The following OSBPL10 variants were observed in gnomAD, a reference collection of about 807,000 sequenced individuals.
OSBPL10 encodes the protein oxysterol-binding protein-related protein 10.
In OSBPL10, 49 loss-of-function variants were observed where a neutral mutation model predicts 81.7. That is an observed-to-expected ratio of 0.60 (90% confidence interval 0.48 to 0.76). OSBPL10 has a LOEUF of 0.76. Among genes scored for constraint, OSBPL10 ranks in the 30% least tolerant of loss-of-function variants. The pLI, the probability that OSBPL10 is intolerant of heterozygous loss-of-function variation, is 0.00. For missense variants in OSBPL10, 923 were observed against 987.8 expected, an observed-to-expected ratio of 0.93 and a Z score of 0.88; for synonymous variants, 419 against 383.6, an observed-to-expected ratio of 1.09 and a Z score of -1.08.
intron 3 of OSBPL10, among the ~76,000 whole-genome samples, chr3:31,854,663 T>C (rs535805378): frequency 6.6e-6 from 1 of 152,334 alleles, no homozygotes; most frequent in Non-Finnish European, 1.5e-5. Flanking sequence ...CCACCACGTA[T>C]CCTTTACTCG....
chr3:31,688,111 C>T (rs1351491859), intron 7 of OSBPL10, among the ~76,000 whole-genome samples: 1 of 151,840 alleles, frequency 6.6e-6, no homozygotes, highest in African/African-American at 2.4e-5. Flanking sequence ...GGCGTGGCTC[C>T]TGAACTGGAG....
rs371407376 is a variant in OSBPL10 at position 32,059,880 on chromosome 3, C to G, written n.186-13277G>C. On this transcript the variant is annotated intron_variant and non_coding_transcript_variant, in intron 1 of 3. Transcript: ENST00000479173. ...TGAGCCAAGACTGCACCACTGCACT[C>G]CAGCCTGGGAGACAGAGCCAGACCC... 1.1e-4 allele frequency among the ~76,000 whole-genome samples: 17 copies of G among 152,094 alleles called. No homozygotes were observed. In the East Asian group the frequency reaches 2.1e-3, roughly 19 times the overall value.
At chr3:31,748,730 C>T (rs941053153) in intron 4 of OSBPL10, among the ~76,000 whole-genome samples, 1 of 151,328 alleles carries the variant, frequency 6.6e-6, no homozygotes, top group African/African-American at 2.4e-5. Flanking sequence ...AAATTCTAGA[C>T]CCAGCCCTAC....
intron 11 of OSBPL10, 191 bp from the exon 12 acceptor site, chr3:31,662,307 C>T (rs754629161): frequency 2.3e-6 from 3 of 1,322,188 alleles, no homozygotes; most frequent in African/African-American, 1.5e-5. Context: ...GACCTTCCTA[C>T]CCTGGCATGG....
upstream of OSBPL10, among the ~76,000 whole-genome samples, chr3:31,985,760 C>A (rs1419158027): frequency 6.6e-6 from 1 of 152,184 alleles, no homozygotes; most frequent in Non-Finnish European, 1.5e-5. Context: ...TGTTGTACGT[C>A]CCAAATAATA....
chr3:31,916,642 T>G (rs899202558), intron 1 of OSBPL10, among the ~76,000 whole-genome samples: 2 of 152,214 alleles, frequency 1.3e-5, no homozygotes, highest in Non-Finnish European at 2.9e-5. Context: ...AATGTAAATG[T>G]TTGTTCCACT....
At chr3:31,662,682 C>G in intron 11 of OSBPL10, 1 of 985,494 alleles carries the variant, frequency 1.0e-6, no homozygotes, top group Non-Finnish European at 1.2e-6. Flanking sequence ...GTTCAGATGA[C>G]TCTTATTCCT....
In OSBPL10 at chr3:31,662,053, G is replaced by C. The variant is rs1559403053; in HGVS notation, c.*19C>G. The C allele has an allele frequency of 6.2e-7, 1 of 1,612,994 alleles. No homozygotes were observed. The highest frequency in any genetic ancestry group is 8.5e-7 in the Non-Finnish European group (1 of 1,179,540). Reference sequence around the variant, plus strand: ...TACAAAAACAGGGCTATACTGGAAAGCTCTGCACCTCCACCCCATCAGTGT... The same window carrying C: ...TACAAAAACAGGGCTATACTGGAAACCTCTGCACCTCCACCCCATCAGTGT... On this transcript the variant is annotated 3_prime_UTR_variant, in exon 12 of 12. Transcript: ENST00000396556.
At chr3:31,802,069 C>T (rs1477043987) in intron 4 of OSBPL10, among the ~76,000 whole-genome samples, 12 of 151,342 alleles carry the variant, frequency 7.9e-5, no homozygotes, top group Admixed American at 2.0e-4. Context: ...GTGATCCGTC[C>T]GCCTCGGCCT....
At chr3:31,973,048 G>T (rs1698606628) in intron 1 of OSBPL10, among the ~76,000 whole-genome samples, 1 of 152,172 alleles carries the variant, frequency 6.6e-6, no homozygotes, top group Admixed American at 6.5e-5. Context: ...ATTCTGGATG[G>T]TTTTCTTTTT....
At chr3:31,934,865 T>C (rs961814723) in intron 1 of OSBPL10, among the ~76,000 whole-genome samples, 1 of 152,174 alleles carries the variant, frequency 6.6e-6, no homozygotes, top group African/African-American at 2.4e-5. Context: ...CTGCATGTCA[T>C]AGAAACTTAC....
chr3:32,028,927 G>GACACACACACACACACACACAC (rs58442955), intron 2 of OSBPL10, among the ~76,000 whole-genome samples: 1 of 105,634 alleles, frequency 9.5e-6, no homozygotes, highest in African/African-American at 3.7e-5. Context: ...AGCTAGTCAG[G>GACACACACACACACACACACAC]ACACACACAC....
At chr3:31,736,124 G>A (rs1697165563) in intron 5 of OSBPL10, among the ~76,000 whole-genome samples, 2 of 152,176 alleles carry the variant, frequency 1.3e-5, no homozygotes, top group Non-Finnish European at 2.9e-5. Flanking sequence ...GTGGATGGGA[G>A]GGAATGGGGA....
At chr3:32,055,191 CTTTTTTTTTTTTTTTTTT>C (rs139735770) in intron 1 of OSBPL10, among the ~76,000 whole-genome samples, 24 of 58,302 alleles carry the variant, frequency 4.1e-4, no homozygotes, top group Middle Eastern at 0.017. Context: ...CTATTTATAG[CTTTTTTTTTTTTTTTTTT>C]TTTTTTTTTT....
At chr3:31,663,265 A>G (rs1700110233) in intron 11 of OSBPL10, 8 of 984,690 alleles carry the variant, frequency 8.1e-6, no homozygotes, top group Non-Finnish European at 9.6e-6. Flanking sequence ...TCTCATAAAA[A>G]TTTAGATTTC....
chr3:31,821,124 G>A (rs967110950), intron 4 of OSBPL10, among the ~76,000 whole-genome samples: 1 of 152,108 alleles, frequency 6.6e-6, no homozygotes, highest in South Asian at 2.1e-4. Flanking sequence ...CAGCCATGCC[G>A]TGCTCCCAGC....
intron 4 of OSBPL10, among the ~76,000 whole-genome samples, chr3:31,789,667 T>C (rs897359331): frequency 6.6e-6 from 1 of 152,176 alleles, no homozygotes; most frequent in Non-Finnish European, 1.5e-5. Context: ...CAGATCAGGA[T>C]GGAGCTGCAA....
chr3:31,754,881 A>G (rs552533133), intron 4 of OSBPL10, among the ~76,000 whole-genome samples: 38 of 151,888 alleles, frequency 2.5e-4, no homozygotes, highest in African/African-American at 8.5e-4. Flanking sequence ...ATGATTTTCA[A>G]CTCTACCCTA....
rs751916650 is a variant in OSBPL10 at position 31,664,188 on chromosome 3, A to G, written c.2141T>C (p.Ile714Thr). The G allele has an allele frequency of 2.5e-6, 4 of 1,612,882 alleles. No individual in the cohort carries two copies. Among genetic ancestry groups the G allele is most frequent in the African/African-American group, 1.3e-5 (1 of 74,752 alleles). ...EVTRYLRLGD[I>T]DAATEQKRHL... The stretch of plus-strand genomic sequence containing the variant: ...CCGCTTCTGCTCGGTGGCTGCGTCA[A>G]TGTCCCCCAGCCGCAGGTATCGGGT... Residue 714 changes from isoleucine (I) to threonine (T), a missense_variant, in exon 11 of 12, where the codon ATT (isoleucine) becomes ACT (threonine). Transcript: ENST00000396556.
Sources: gnomAD v4.1 joint callset for allele counts (sites outside exome capture counted in the v4.1 genomes callset) on GRCh38, gnomAD v4.1.1 for gene constraint, MANE v1.5 for transcripts, NCBI Gene and HGNC (gene_info 2026-07-23, HGNC 2026-07-21) for gene names.